PTPN14: variants seen among roughly 807,000 people sequenced by gnomAD.
PTPN14 encodes the protein tyrosine-protein phosphatase non-receptor type 14.
PTPN14 carries 53 observed loss-of-function variants against 126.8 expected under a neutral mutation model. That is an observed-to-expected ratio of 0.42 (90% CI 0.34 to 0.53). The LOEUF is 0.53. PTPN14 is among the 20% of genes least tolerant of loss of function. PTPN14 has a pLI of 0.08. For synonymous variants in PTPN14, 630 were observed against 599.3 expected (o/e 1.05, Z -0.75); for missense variants, 1,257 against 1,552.9 (o/e 0.81, Z 3.20).
At chr1:214,391,468 T>C (rs983145013) in intron 10 of PTPN14, among the ~76,000 whole-genome samples, 7 of 151,904 alleles carry the variant, frequency 4.6e-5, no homozygotes, top group East Asian at 1.9e-4. Flanking sequence ...CAAATGAAAA[T>C]ACAAAATAGA....
intron 1 of PTPN14, among the ~76,000 whole-genome samples, chr1:214,509,003 T>C (rs1162936585): frequency 6.6e-6 from 1 of 152,238 alleles, no homozygotes; most frequent in African/African-American, 2.4e-5. Context: ...CCAGGCTTTG[T>C]TGTTCCATTT....
At chr1:214,471,052 A>AT (rs1187071013) in intron 1 of PTPN14, among the ~76,000 whole-genome samples, 4 of 150,306 alleles carry the variant, frequency 2.7e-5, no homozygotes, top group African/African-American at 9.7e-5. Context: ...AAACAAAAAA[A>AT]CAACTACACT....
intron 3 of PTPN14, among the ~76,000 whole-genome samples, chr1:214,449,824 C>T (rs570238763): frequency 8.1e-5 from 12 of 147,400 alleles, no homozygotes; most frequent in African/African-American, 3.0e-4. Context: ...ACTTACAATA[C>T]CTTTTGATTT....
chr1:214,392,156 G>A (rs1658769039), intron 10 of PTPN14, among the ~76,000 whole-genome samples: 1 of 152,042 alleles, frequency 6.6e-6, no homozygotes, highest in South Asian at 2.1e-4. Context: ...GTGCTGGGAC[G>A]CTGAACTGCA....
chr1:214,377,949 T>A lies in PTPN14; in HGVS notation c.2688+10A>T. 6.2e-7 allele frequency: 1 copy of A among 1,610,080 alleles called. No individual in the cohort carries two copies. The highest frequency in any genetic ancestry group is 1.7e-5 in the Admixed American group (1 of 59,160). On this transcript the variant is annotated intron_variant, in intron 14 of 18. Coordinates refer to ENST00000366956, the MANE Select transcript of PTPN14 (RefSeq NM_005401.5). ...AGAGAATGAGTCACATTGACAAGCC[T>A]GCCACTTACCCTCTCGTCCATGGGA...
At chr1:214,387,674 CAAAAAAA>C (rs67415818) in intron 11 of PTPN14, among the ~76,000 whole-genome samples, 8 of 85,368 alleles carry the variant, frequency 9.4e-5, no homozygotes, top group African/African-American at 4.3e-4. Flanking sequence ...AAGACTCCGT[CAAAAAAA>C]AAAAAAAAAA....
At chr1:214,361,705 C>T (rs1033837125) in intron 18 of PTPN14, among the ~76,000 whole-genome samples, 4 of 152,222 alleles carry the variant, frequency 2.6e-5, no homozygotes, top group Non-Finnish European at 5.9e-5. Context: ...CAGACAGCTA[C>T]ATCCAAGGGA....
chr1:214,500,047 T>A (rs1654642645), intron 1 of PTPN14, among the ~76,000 whole-genome samples: 1 of 151,656 alleles, frequency 6.6e-6, no homozygotes, highest in Non-Finnish European at 1.5e-5. Flanking sequence ...TCCGCAAATG[T>A]CCACAAATGT....
At chr1:214,504,692 G>A (rs1654790159) in intron 1 of PTPN14, among the ~76,000 whole-genome samples, 1 of 152,138 alleles carries the variant, frequency 6.6e-6, no homozygotes, top group African/African-American at 2.4e-5. Context: ...GGGAAATGAT[G>A]GTGAATGAGG....
chr1:214,461,745 G>A (rs4655258), intron 2 of PTPN14, among the ~76,000 whole-genome samples: 126,102 of 152,142 alleles, frequency 0.83, 52,370 homozygotes, highest in African/African-American at 0.89. Flanking sequence ...GGAGGTGGAG[G>A]CTGAATGAGC....
chr1:214,431,603 G>A (rs114849830), intron 3 of PTPN14, among the ~76,000 whole-genome samples: 28 of 152,268 alleles, frequency 1.8e-4, no homozygotes, highest in East Asian at 9.6e-4. Context: ...GGGGCACAGC[G>A]GACTAGAATG....
intron 1 of PTPN14, among the ~76,000 whole-genome samples, chr1:214,470,702 T>C (rs1167815998): frequency 6.8e-6 from 1 of 147,146 alleles, no homozygotes; most frequent in Non-Finnish European, 1.5e-5. Context: ...GAGAGTCACT[T>C]GAACTCAGGA....
intron 1 of PTPN14, among the ~76,000 whole-genome samples, chr1:214,488,815 A>G (rs1419039209): frequency 6.6e-6 from 1 of 152,224 alleles, no homozygotes; most frequent in Non-Finnish European, 1.5e-5. Context: ...ACACTGTAAT[A>G]TTATTGCCTT....
At chr1:214,424,640 G>C (rs959231945) in intron 3 of PTPN14, among the ~76,000 whole-genome samples, 6 of 151,856 alleles carry the variant, frequency 4.0e-5, no homozygotes, top group Non-Finnish European at 8.8e-5. Flanking sequence ...TGATTCTCCT[G>C]CCTCAGCCTC....
At chr1:214,477,579 C>T (rs1240319355) in intron 1 of PTPN14, among the ~76,000 whole-genome samples, 1 of 152,170 alleles carries the variant, frequency 6.6e-6, no homozygotes, top group Non-Finnish European at 1.5e-5. Context: ...TGTTAGCATA[C>T]TATCATTCCT....
rs758241410 is a variant in PTPN14, at chr1:214,364,654, G to A, written c.3293C>T (p.Ser1098Leu). The stretch of plus-strand genomic sequence containing the variant: ...CATGCTGTTGGTATGGCGACGGACC[G>A]ACTGGATCTCCTCCAAGTAGGCTGC... ...GFLSYLEEIQSVRRHTNSMLE... is the reference protein window; with the variant it reads ...GFLSYLEEIQLVRRHTNSMLE... The change falls in exon 18 of 19, where the codon TCG becomes TTG. Residue 1098 changes from serine to leucine, a missense_variant. Physicochemically the swap from Ser to Leu is moderately radical, Grantham distance 145. Coordinates refer to ENST00000366956, the MANE Select transcript of PTPN14 (RefSeq NM_005401.5). This position sits in a 1 kb window ranked among gnomAD's most constrained non-coding sequence, Gnocchi z 4.1. The A allele has an allele frequency of 4.3e-6, 7 of 1,613,474 alleles. No individual in the cohort carries two copies. Among genetic ancestry groups the A allele is most frequent in the Non-Finnish European group, 5.9e-6 (7 of 1,179,892 alleles).
At chr1:214,494,725 G>T (rs973472055) in intron 1 of PTPN14, among the ~76,000 whole-genome samples, 1 of 152,154 alleles carries the variant, frequency 6.6e-6, no homozygotes, top group Admixed American at 6.5e-5. Context: ...ACGTCTAAAG[G>T]AAGAGTGGCC....
chr1:214,437,895 A>G (rs1347116941), intron 3 of PTPN14, among the ~76,000 whole-genome samples: 1 of 152,236 alleles, frequency 6.6e-6, no homozygotes, highest in Non-Finnish European at 1.5e-5. Context: ...AACTTAAATG[A>G]TAAGAATCAC....
At chr1:214,416,232 T>A (rs553243190) in intron 3 of PTPN14, among the ~76,000 whole-genome samples, 1 of 152,338 alleles carries the variant, frequency 6.6e-6, no homozygotes, top group East Asian at 1.9e-4. Context: ...CATGTTTTTG[T>A]CTAGTGTACT....
Sources: gnomAD v4.1 joint callset for allele counts (sites outside exome capture counted in the v4.1 genomes callset) on GRCh38, gnomAD v4.1.1 for gene constraint, Gnocchi (gnomAD v3.1) non-coding constraint, MANE v1.5 for transcripts, NCBI Gene and HGNC (gene_info 2026-07-23, HGNC 2026-07-21) for gene names.